Variants in STUM observed in about 807,000 individuals in gnomAD.
The protein encoded by STUM is protein stum homolog.
In STUM, 8 loss-of-function variants were observed where a neutral mutation model predicts 15.3. The ratio of observed to expected loss-of-function variants is 0.52; its 90% confidence interval spans 0.31 to 0.94. The LOEUF (loss-of-function observed/expected upper bound fraction) is 0.94. Ranked by LOEUF, STUM falls within the 40% of genes least tolerant of loss-of-function variation. The pLI, the probability that STUM is intolerant of heterozygous loss-of-function variation, is 0.05. For synonymous variants in STUM, 78 were observed against 88.7 expected (o/e 0.88, Z 0.68); for missense variants, 142 against 204.9 (o/e 0.69, Z 1.87).
intron 1 of STUM, among the ~76,000 whole-genome samples, chr1:226,578,186 C>T (rs781626380): frequency 2.0e-4 from 31 of 152,012 alleles, no homozygotes; most frequent in Middle Eastern, 3.4e-3. Context: ...AATGTCTTTA[C>T]GCGTCATCAT....
At position 226,548,887 on chromosome 1, in the gene STUM, C is replaced by T; in HGVS notation, c.-18C>T. 1.5e-6 allele frequency: 2 copies of T among 1,356,224 alleles called. No individual in the cohort carries two copies. The highest frequency in any genetic ancestry group is 1.9e-6 in the Non-Finnish European group (2 of 1,064,230). 84.0% of individuals were successfully genotyped at this position (1,356,224 alleles called of 1,614,324 possible). ...AGCTCCGGCCGTGCTGCCCGGCTGC[C>T]TGAGAGCGCGCCCGGCCATGGAGCC... On this transcript the variant is annotated 5_prime_UTR_variant, in exon 1 of 4. Coordinates refer to ENST00000366788, the MANE Select transcript of STUM (RefSeq NM_001003665.4).
In STUM at chr1:226,579,796, TA is replaced by T. The variant is rs907181592; in HGVS notation, c.203-16996del. Among the ~76,000 whole-genome samples the T allele has an allele frequency of 3.7e-4, 56 of 150,914 alleles. No individual in the cohort carries two copies. In the East Asian group the frequency reaches 5.0e-3, roughly 14 times the overall value. ...GCACATGCCACTGCCCCCAACTAAT[TA>T]AAAAAAAAATTTTTTTTTGTAGAGA... On this transcript the variant is annotated intron_variant, in intron 1 of 3. Coordinates refer to ENST00000366788, the MANE Select transcript of STUM (RefSeq NM_001003665.4).
chr1:226,551,792 G>C (rs1667380017), intron 1 of STUM, among the ~76,000 whole-genome samples: 1 of 152,234 alleles, frequency 6.6e-6, no homozygotes, highest in East Asian at 1.9e-4. Flanking sequence ...TAAGTGCTAG[G>C]ATGGCAGCAG....
Position 226,549,804 on chromosome 1 carries a change from A to G in STUM, c.202+698A>G, listed in dbSNP as rs1305591838. Among the ~76,000 whole-genome samples, 3 of 152,188 alleles carry G rather than the reference A, an allele frequency of 2.0e-5. No homozygotes were observed. Among genetic ancestry groups the G allele is most frequent in the Admixed American group, 6.5e-5 (1 of 15,280 alleles). ...CGGATCCCTTCTGTTCCTGAGAAGTAGAGAGTGCGCCGATGTAATTCTGTG... is the reference window on the plus strand; with the variant it reads ...CGGATCCCTTCTGTTCCTGAGAAGTGGAGAGTGCGCCGATGTAATTCTGTG... On this transcript the variant is annotated intron_variant, in intron 1 of 3. Coordinates refer to ENST00000366788, the MANE Select transcript of STUM (RefSeq NM_001003665.4). This position sits in a 1 kb window ranked among gnomAD's most constrained non-coding sequence, Gnocchi z 6.8.
intron 1 of STUM, among the ~76,000 whole-genome samples, chr1:226,563,268 C>T (rs1396258071): frequency 2.6e-5 from 4 of 152,246 alleles, no homozygotes; most frequent in African/African-American, 9.6e-5. Context: ...TCTCTTATCA[C>T]TTCCATAAGG....
intron 1 of STUM, among the ~76,000 whole-genome samples, chr1:226,556,249 T>A (rs1342717247): frequency 6.6e-6 from 1 of 152,194 alleles, no homozygotes; most frequent in Non-Finnish European, 1.5e-5. Context: ...AGGGCTTCCT[T>A]CTGAGTGCCT....
At position 226,583,862 on chromosome 1, in the gene STUM, T is replaced by C. The variant is rs534890330; in HGVS notation, c.203-12940T>C. ...CAAGCAGTACAGGCCTTTAGGATTC[T>C]AGATGCTAAATGATTGCTGTAAAAA... On this transcript the variant is annotated intron_variant, in intron 1 of 3. Transcript: ENST00000366788. Among the ~76,000 whole-genome samples, 5 of 152,364 alleles carry C rather than the reference T, an allele frequency of 3.3e-5. No homozygotes were observed. In the South Asian group the frequency reaches 1.0e-3, roughly 32 times the overall value.
chr1:226,589,945 A>T (rs964502499), intron 1 of STUM, among the ~76,000 whole-genome samples: 4 of 151,064 alleles, frequency 2.6e-5, no homozygotes, highest in African/African-American at 7.3e-5. Flanking sequence ...AGGAATGTTA[A>T]TTTTTTTTTT....
rs540081948 is a variant in STUM, at chr1:226,572,569, A to G, written c.202+23463A>G. ...GAGCACGCTTTGTCTAAGAACTCCC[A>G]GAGGGCAGGGCCTCCCGGTGGATTA... is the stretch of plus-strand genomic sequence containing the variant. On this transcript the variant is annotated intron_variant, in intron 1 of 3. Transcript: ENST00000366788. 8.2e-4 allele frequency among the ~76,000 whole-genome samples: 125 copies of G among 152,316 alleles called. 1 individual carries two copies. The highest frequency in any genetic ancestry group is 2.9e-3 in the African/African-American group (120 of 41,574).
At chr1:226,582,181 A>G (rs1667928989) in intron 1 of STUM, among the ~76,000 whole-genome samples, 1 of 152,236 alleles carries the variant, frequency 6.6e-6, no homozygotes, top group Admixed American at 6.5e-5. Flanking sequence ...GCCCCGGGAA[A>G]TGTCAGTGCC....
chr1:226,576,953 G>A (rs1025658010), intron 1 of STUM, among the ~76,000 whole-genome samples: 4 of 152,230 alleles, frequency 2.6e-5, no homozygotes, highest in Non-Finnish European at 5.9e-5. Context: ...ACTTTCTACA[G>A]CAAACATAGC....
chr1:226,575,762 G>T (rs1667798343), intron 1 of STUM, among the ~76,000 whole-genome samples: 1 of 152,222 alleles, frequency 6.6e-6, no homozygotes. Context: ...AGCCTGCAGT[G>T]GATAGTCTGA....
intron 1 of STUM, among the ~76,000 whole-genome samples, chr1:226,594,763 T>C (rs1175462320): frequency 6.6e-6 from 1 of 152,232 alleles, no homozygotes. Context: ...CAAGCGATTT[T>C]CCTGCCTCAG....
rs756238249 is a variant in STUM, at chr1:226,602,067, A to T, written c.*27A>T. On this transcript the variant is annotated 3_prime_UTR_variant, in exon 4 of 4. Transcript: ENST00000366788. Reference sequence around the variant, plus strand: ...CCCACGGGAGCCGCTGGGGAGATCCAGGGGGGCCCTGTGAGGGCTGCACCA... The same window carrying T: ...CCCACGGGAGCCGCTGGGGAGATCCTGGGGGGCCCTGTGAGGGCTGCACCA... 6 of 1,598,020 alleles carry T rather than the reference A, an allele frequency of 3.8e-6. No homozygotes were observed. In the Admixed American group the frequency reaches 6.7e-5, roughly 18 times the overall value.
intron 1 of STUM, among the ~76,000 whole-genome samples, chr1:226,572,745 A>G (rs999345343): frequency 4.6e-5 from 7 of 152,220 alleles, no homozygotes; most frequent in East Asian, 3.9e-4. Flanking sequence ...TGCTCCTGCC[A>G]TGGCATTGAG....
rs565496757 is a variant in STUM at position 226,569,469 on chromosome 1, G to A, written c.202+20363G>A. ...CTGGTACAATACCTGGCTTGTAGCA[G>A]GTGCTCAGTAATTTTGGGGCCAAAT... On this transcript the variant is annotated intron_variant, in intron 1 of 3. Transcript: ENST00000366788. Among the ~76,000 whole-genome samples, 182 of 152,242 alleles carry A rather than the reference G, an allele frequency of 1.2e-3. 2 individuals carry two copies. Among genetic ancestry groups the A allele is most frequent in the African/African-American group, 4.2e-3 (176 of 41,532 alleles).
chr1:226,566,103 G>A (rs1311588041), intron 1 of STUM, among the ~76,000 whole-genome samples: 3 of 152,182 alleles, frequency 2.0e-5, no homozygotes, highest in Non-Finnish European at 2.9e-5. Flanking sequence ...CACTTGCTTA[G>A]GAATGGAATC....
intron 1 of STUM, among the ~76,000 whole-genome samples, chr1:226,592,975 C>G (rs1668113175): frequency 6.6e-6 from 1 of 152,206 alleles, no homozygotes; most frequent in East Asian, 1.9e-4. Context: ...CACTTGAGGT[C>G]AGAAGTTTGA....
intron 1 of STUM, 87 bp from the exon 2 acceptor site, chr1:226,596,715 A>G (rs1668185641): frequency 1.6e-6 from 2 of 1,232,536 alleles, no homozygotes; most frequent in Non-Finnish European, 2.3e-6. Context: ...TGGAGGGTGG[A>G]CAGCTGGGCC....
Sources: gnomAD v4.1 joint callset for allele counts (sites outside exome capture counted in the v4.1 genomes callset) on GRCh38, gnomAD v4.1.1 for gene constraint, Gnocchi (gnomAD v3.1) non-coding constraint, MANE v1.5 for transcripts, NCBI Gene and HGNC (gene_info 2026-07-23, HGNC 2026-07-21) for gene names.